Variants in GALNTL6 observed in about 807,000 individuals in gnomAD.
GALNTL6 encodes polypeptide N-acetylgalactosaminyltransferase like 6.
GALNTL6 carries 46 observed loss-of-function variants against 73.7 expected under a neutral mutation model. That is an observed-to-expected ratio of 0.62 (90% CI 0.49 to 0.80). The LOEUF (loss-of-function observed/expected upper bound fraction) is 0.80, where lower values mean the gene tolerates loss of function less well. Among genes scored for constraint, GALNTL6 ranks in the 30% least tolerant of loss-of-function variants. The pLI is 0.00. For missense variants in GALNTL6, 604 were observed against 755.0 expected (o/e 0.80, Z 2.34); for synonymous variants, 259 against 263.7 (o/e 0.98, Z 0.17).
At chr4:172,841,240 T>C (rs1458260162) in intron 7 of GALNTL6, among the ~76,000 whole-genome samples, 3 of 152,206 alleles carry the variant, frequency 2.0e-5, no homozygotes, top group Non-Finnish European at 4.4e-5. Flanking sequence ...GTAATGATAA[T>C]AATAATAGAA....
At chr4:171,846,682 C>T (rs1735379245) in intron 2 of GALNTL6, among the ~76,000 whole-genome samples, 1 of 149,788 alleles carries the variant, frequency 6.7e-6, no homozygotes, top group Non-Finnish European at 1.5e-5. Flanking sequence ...ATCTTTATAT[C>T]TATTCATCTC....
chr4:172,611,628 G>T (rs1186691088), intron 5 of GALNTL6, among the ~76,000 whole-genome samples: 3 of 151,934 alleles, frequency 2.0e-5, no homozygotes, highest in African/African-American at 7.3e-5. Context: ...TGACCTTGAG[G>T]AATCTGATGA....
chr4:171,895,541 G>A (rs1736885762), intron 2 of GALNTL6, among the ~76,000 whole-genome samples: 1 of 152,158 alleles, frequency 6.6e-6, no homozygotes, highest in African/African-American at 2.4e-5. Flanking sequence ...CCGAGTTGCT[G>A]TCCAAGACTA....
chr4:172,331,820 A>C (rs1042260138), intron 4 of GALNTL6, among the ~76,000 whole-genome samples: 1 of 152,188 alleles, frequency 6.6e-6, no homozygotes, highest in African/African-American at 2.4e-5. Flanking sequence ...AGCTGTTGTG[A>C]ATAGTGCTGT....
chr4:172,903,252 C>G (rs1177994723), intron 8 of GALNTL6, among the ~76,000 whole-genome samples: 1 of 152,190 alleles, frequency 6.6e-6, no homozygotes, highest in Admixed American at 6.6e-5. Context: ...GTGTTTTCCT[C>G]TCCTTCCTAA....
chr4:171,933,622 A>G (rs1011471835), intron 2 of GALNTL6, among the ~76,000 whole-genome samples: 27 of 152,178 alleles, frequency 1.8e-4, no homozygotes, highest in African/African-American at 6.0e-4. Flanking sequence ...AATTCTGCAA[A>G]ACAATTTGTG....
At chr4:172,598,637 T>A (rs1027227349) in intron 5 of GALNTL6, among the ~76,000 whole-genome samples, 1 of 152,148 alleles carries the variant, frequency 6.6e-6, no homozygotes, top group Non-Finnish European at 1.5e-5. Flanking sequence ...AGTTCCATGA[T>A]GGATTTTAAA....
chr4:172,325,251 T>A (rs1740902899), intron 4 of GALNTL6, among the ~76,000 whole-genome samples: 1 of 151,964 alleles, frequency 6.6e-6, no homozygotes, highest in Non-Finnish European at 1.5e-5. Context: ...TATAAAATTT[T>A]ATTTAAATAC....
At chr4:172,286,180 T>C (rs1177742444) in intron 3 of GALNTL6, among the ~76,000 whole-genome samples, 1 of 152,208 alleles carries the variant, frequency 6.6e-6, no homozygotes, top group Non-Finnish European at 1.5e-5. Flanking sequence ...TGCTAGTTTG[T>C]CTGATAAAAT....
At chr4:172,522,731 T>C (rs1465522117) in intron 5 of GALNTL6, among the ~76,000 whole-genome samples, 1 of 147,420 alleles carries the variant, frequency 6.8e-6, no homozygotes, top group Non-Finnish European at 1.5e-5. Flanking sequence ...ATGAGGGTTT[T>C]CATTCAATGT....
At chr4:171,877,736 G>A (rs1180450852) in intron 2 of GALNTL6, among the ~76,000 whole-genome samples, 1 of 152,116 alleles carries the variant, frequency 6.6e-6, no homozygotes, top group East Asian at 1.9e-4. Context: ...GGAACTGCTT[G>A]ACCTCTTTCT....
intron 2 of GALNTL6, among the ~76,000 whole-genome samples, chr4:171,973,749 T>C (rs1470536574): frequency 1.3e-5 from 2 of 152,204 alleles, no homozygotes; most frequent in South Asian, 2.1e-4. Context: ...TTTGCATTAA[T>C]TGATACTATA....
intron 5 of GALNTL6, among the ~76,000 whole-genome samples, chr4:172,686,614 GTTTAT>G: frequency 6.6e-6 from 1 of 152,270 alleles, no homozygotes; most frequent in African/African-American, 2.4e-5. Context: ...GAAAAAGAAA[GTTTAT>G]TTTATTTTTA....
rs74702408 is a variant in GALNTL6 at position 172,185,282 on chromosome 4, T to C, written c.139-44374T>C. Among the ~76,000 whole-genome samples, 329 of 152,300 alleles carry C rather than the reference T, an allele frequency of 2.2e-3. 1 individual carries two copies. The highest frequency in any genetic ancestry group is 7.4e-3 in the African/African-American group (309 of 41,568). On this transcript the variant is annotated intron_variant, in intron 2 of 12. Coordinates refer to ENST00000506823, the MANE Select transcript of GALNTL6 (RefSeq NM_001034845.3). Reference sequence around the variant, plus strand: ...TGAAAAACATAGAGGTTAAAGCTTTTTTACTATGACAGTGATATAGATGGT... The same window carrying C: ...TGAAAAACATAGAGGTTAAAGCTTTCTTACTATGACAGTGATATAGATGGT...
chr4:172,512,501 CT>C (rs201689063), intron 5 of GALNTL6, among the ~76,000 whole-genome samples: 5 of 151,392 alleles, frequency 3.3e-5, no homozygotes, highest in East Asian at 1.9e-4. Flanking sequence ...CTTGAATACT[CT>C]TTTTTTTTCC....
At chr4:172,052,730 T>C (rs1730911645) in intron 2 of GALNTL6, among the ~76,000 whole-genome samples, 2 of 152,174 alleles carry the variant, frequency 1.3e-5, no homozygotes, top group African/African-American at 2.4e-5. Flanking sequence ...TCAACCTGAC[T>C]TCCTACAGAG....
chr4:172,188,849 A>G (rs1404787603), intron 2 of GALNTL6, among the ~76,000 whole-genome samples: 2 of 152,116 alleles, frequency 1.3e-5, no homozygotes, highest in Non-Finnish European at 2.9e-5. Context: ...ACAGAAAGCA[A>G]CTTTGCTAGA....
At chr4:172,161,658 A>C (rs1734471661) in intron 2 of GALNTL6, among the ~76,000 whole-genome samples, 1 of 152,056 alleles carries the variant, frequency 6.6e-6, no homozygotes, top group Admixed American at 6.6e-5. Flanking sequence ...ATAGGTATTA[A>C]GGGAAACTAA....
intron 5 of GALNTL6, among the ~76,000 whole-genome samples, chr4:172,718,479 A>G (rs1417192537): frequency 6.6e-6 from 1 of 152,002 alleles, no homozygotes; most frequent in Non-Finnish European, 1.5e-5. Flanking sequence ...AAAAAAAATT[A>G]AAAAACATAT....
Sources: gnomAD v4.1 joint callset for allele counts (sites outside exome capture counted in the v4.1 genomes callset) on GRCh38, gnomAD v4.1.1 for gene constraint, MANE v1.5 for transcripts, NCBI Gene and HGNC (gene_info 2026-07-23, HGNC 2026-07-21) for gene names.